CCDC158: variants seen among roughly 807,000 people sequenced by gnomAD.
CCDC158 encodes coiled-coil domain containing 158.
CCDC158 carries 116 observed loss-of-function variants against 138.6 expected under a neutral mutation model. The observed-to-expected ratio is 0.84, with a 90% CI of 0.72 to 0.98. CCDC158 has a LOEUF of 0.98. CCDC158 is among the 50% of genes least tolerant of loss of function. The pLI, the probability that CCDC158 is intolerant of heterozygous loss-of-function variation, is 0.00. For missense variants in CCDC158, 1,265 were observed against 1,306.1 expected (o/e 0.97, Z 0.48); for synonymous variants, 436 against 442.4 (o/e 0.99, Z 0.18).
chr4:76,318,164 C>G (rs1719589956), intron 24 of CCDC158, among the ~76,000 whole-genome samples: 2 of 151,908 alleles, frequency 1.3e-5, no homozygotes, highest in Admixed American at 6.5e-5. Context: ...AAGATCAGAA[C>G]AGAATTAAAT....
At chr4:76,345,063 C>G (rs1722410770) in intron 18 of CCDC158, 1 of 1,332,884 alleles carries the variant, frequency 7.5e-7, no homozygotes, top group Non-Finnish European at 1.1e-6. Flanking sequence ...TGTGTGAAAG[C>G]TGACAAAATG....
intron 11 of CCDC158, 66 bp from the exon 12 acceptor site, chr4:76,367,842 A>G (rs1724845143): frequency 6.9e-7 from 1 of 1,445,616 alleles, no homozygotes; most frequent in Non-Finnish European, 9.2e-7. Context: ...CTCAAGAGAT[A>G]CAAGTTAACT....
intron 1 of CCDC158, among the ~76,000 whole-genome samples, chr4:76,413,474 CAA>C (rs560813465): frequency 1.1e-3 from 61 of 56,240 alleles, no homozygotes; most frequent in Non-Finnish European, 1.4e-3. Flanking sequence ...GACCTTGTCT[CAA>C]AAAAAAAAAA....
intron 3 of CCDC158, among the ~76,000 whole-genome samples, chr4:76,397,256 G>A (rs1199585555): frequency 6.6e-6 from 1 of 151,846 alleles, no homozygotes; most frequent in African/African-American, 2.4e-5. Flanking sequence ...ACTCATAAAT[G>A]CAGTTATCTA....
intron 12 of CCDC158, among the ~76,000 whole-genome samples, 175 bp downstream of exon 12, chr4:76,367,119 A>G (rs1110939): frequency 0.031 from 4,467 of 144,882 alleles, 220 homozygotes; most frequent in African/African-American, 0.11. Context: ...CATTCCTTCT[A>G]TAATCTGATA....
intron 18 of CCDC158, among the ~76,000 whole-genome samples, chr4:76,347,546 A>G (rs1722677929): frequency 6.6e-6 from 1 of 152,084 alleles, no homozygotes. Context: ...ATTACACAAT[A>G]GGGCCTGTCA....
chr4:76,351,133 T>C lies in CCDC158; in HGVS notation c.2539-12A>G. The C allele has an allele frequency of 6.2e-7, 1 of 1,601,476 alleles. No individual in the cohort carries two copies. Among genetic ancestry groups the C allele is most frequent in the South Asian group, 1.1e-5 (1 of 88,684 alleles). ...GGGCCCTGAAGTTCCTGGAAAACAA[T>C]ATAGAGGTAAGCAAAATAACTGCCA... is the stretch of plus-strand genomic sequence containing the variant. On this transcript the variant is annotated splice_polypyrimidine_tract_variant and intron_variant, in intron 17 of 24. Transcript: ENST00000682701.
chr4:76,408,353 C>G (rs1729009606), intron 2 of CCDC158, among the ~76,000 whole-genome samples: 1 of 152,028 alleles, frequency 6.6e-6, no homozygotes, highest in African/African-American at 2.4e-5. Context: ...CACCCCACAA[C>G]AGGCCCTGGT....
chr4:76,344,745 A>G (rs1722381658), intron 18 of CCDC158: 6 of 1,613,670 alleles, frequency 3.7e-6, no homozygotes, highest in Admixed American at 1.7e-5. Context: ...TATTGAAACA[A>G]CAGACTATGC....
In CCDC158 at chr4:76,382,143, G is replaced by C. The variant is rs1726318326; in HGVS notation, c.914+467C>G. 2.0e-5 allele frequency among the ~76,000 whole-genome samples: 3 copies of C among 152,298 alleles called. No homozygotes were observed. In the South Asian group the frequency reaches 6.2e-4, roughly 32 times the overall value. ...CGTGATAGCGAGTGAGTTCTCATGA[G>C]ATCTGATGATTTAAAAGTGTGGCAC... On this transcript the variant is annotated intron_variant, in intron 8 of 24. Transcript: ENST00000682701.
intron 24 of CCDC158, among the ~76,000 whole-genome samples, chr4:76,317,933 T>G (rs951617616): frequency 6.6e-6 from 1 of 152,164 alleles, no homozygotes; most frequent in Admixed American, 6.5e-5. Context: ...GAAATCAAGA[T>G]GAAAATTTAA....
At chr4:76,375,875 TTA>T (rs761302349) in intron 9 of CCDC158, among the ~76,000 whole-genome samples, 37 of 152,214 alleles carry the variant, frequency 2.4e-4, no homozygotes, top group Non-Finnish European at 5.0e-4. Context: ...TTCTCTTAAT[TTA>T]TGCATTCTAG....
At chr4:76,379,078 A>ATG (rs60207858) in intron 9 of CCDC158, among the ~76,000 whole-genome samples, 4,470 of 152,256 alleles carry the variant, frequency 0.029, 218 homozygotes, top group African/African-American at 0.1. Flanking sequence ...TATGCAAAAA[A>ATG]TTTTGCTAAG....
At chr4:76,383,599 G>A (rs372324069) in intron 7 of CCDC158, 63 bp downstream of exon 7, 56 of 1,217,354 alleles carry the variant, frequency 4.6e-5, no homozygotes, top group African/African-American at 2.4e-4. Flanking sequence ...AATTGTGGCC[G>A]AAACACTGTA....
intron 9 of CCDC158, chr4:76,375,652 T>C (rs1221373966): frequency 1.4e-6 from 1 of 701,552 alleles, no homozygotes; most frequent in Non-Finnish European, 2.6e-6. Flanking sequence ...ACAGAGCCAA[T>C]AGTGACAGCT....
intron 2 of CCDC158, among the ~76,000 whole-genome samples, chr4:76,405,456 G>A (rs947914997): frequency 6.6e-6 from 1 of 152,128 alleles, no homozygotes; most frequent in Non-Finnish European, 1.5e-5. Flanking sequence ...GATCTTCAAG[G>A]TTTTGTGTAG....
intron 18 of CCDC158, among the ~76,000 whole-genome samples, chr4:76,349,121 A>G (rs902765791): frequency 6.6e-6 from 1 of 152,220 alleles, no homozygotes; most frequent in African/African-American, 2.4e-5. Flanking sequence ...TATCAGTGGA[A>G]GTAATGGAGA....
intron 3 of CCDC158, among the ~76,000 whole-genome samples, chr4:76,400,203 A>G (rs974186382): frequency 3.3e-5 from 5 of 152,070 alleles, no homozygotes; most frequent in African/African-American, 9.7e-5. Flanking sequence ...GCACATATAC[A>G]CCATGGAATA....
chr4:76,357,294 G>A (rs1002773488), intron 14 of CCDC158, 80 bp downstream of exon 14: 34 of 929,780 alleles, frequency 3.7e-5, no homozygotes, highest in East Asian at 1.3e-4. Context: ...GGTAGGTAAC[G>A]TATTTGAGTT....
Sources: gnomAD v4.1 joint callset for allele counts (sites outside exome capture counted in the v4.1 genomes callset) on GRCh38, gnomAD v4.1.1 for gene constraint, MANE v1.5 for transcripts, NCBI Gene and HGNC (gene_info 2026-07-23, HGNC 2026-07-21) for gene names.